The following ADAM10 variants were observed in gnomAD, a reference collection of about 807,000 sequenced individuals.
ADAM10 encodes disintegrin and metalloproteinase domain-containing protein 10.
ADAM10 carries 17 observed loss-of-function variants against 90.1 expected under a neutral mutation model. The ratio of observed to expected loss-of-function variants is 0.19; its 90% CI spans 0.13 to 0.28. The LOEUF is 0.28. ADAM10 is among the 10% of genes least tolerant of loss of function. ADAM10 has a pLI of 1.00. For missense variants in ADAM10, 610 were observed against 914.3 expected, an observed-to-expected ratio of 0.67 and a Z score of 4.29; for synonymous variants, 310 against 298.6, an observed-to-expected ratio of 1.04 and a Z score of -0.40.
chr15:58,726,014 A>T (rs1440776512), intron 1 of ADAM10, among the ~76,000 whole-genome samples: 1 of 152,210 alleles, frequency 6.6e-6, no homozygotes, highest in Admixed American at 6.5e-5. Flanking sequence ...TATATAAGAA[A>T]ATAAAAAGGA....
At chr15:58,611,381 G>A (rs1210861045) in intron 12 of ADAM10, 8 of 417,344 alleles carry the variant, frequency 1.9e-5, no homozygotes, top group South Asian at 8.7e-5. Flanking sequence ...GATGAGGATC[G>A]ATTTTATGTT....
intron 2 of ADAM10, among the ~76,000 whole-genome samples, chr15:58,707,711 A>G (rs1214886431): frequency 6.6e-6 from 1 of 152,152 alleles, no homozygotes. Context: ...GAAAAGAAAA[A>G]AGTTTTCTAT....
chr15:58,720,336 G>A (rs1005164739), intron 1 of ADAM10, among the ~76,000 whole-genome samples: 4 of 151,952 alleles, frequency 2.6e-5, no homozygotes, highest in African/African-American at 9.7e-5. Context: ...TGAAGCCAAT[G>A]TCTAAGAGAT....
At chr15:58,651,012 A>C (rs1199245887) in intron 5 of ADAM10, among the ~76,000 whole-genome samples, 3 of 152,004 alleles carry the variant, frequency 2.0e-5, no homozygotes, top group Non-Finnish European at 2.9e-5. Context: ...TATTCAAACC[A>C]TTTCTCCAGA....
chr15:58,607,143 T>A (rs908267148), intron 14 of ADAM10, among the ~76,000 whole-genome samples: 1 of 152,278 alleles, frequency 6.6e-6, no homozygotes, highest in South Asian at 2.1e-4. Flanking sequence ...ATTTGGCCCA[T>A]GGGCCATAGT....
intron 2 of ADAM10, chr15:58,691,317 T>A: frequency 8.1e-7 from 1 of 1,233,218 alleles, no homozygotes; most frequent in Non-Finnish European, 1.2e-6. Flanking sequence ...CCCATCAAAT[T>A]CCTTGAGCTG....
intron 2 of ADAM10, among the ~76,000 whole-genome samples, chr15:58,713,836 T>C (rs1898556608): frequency 6.6e-6 from 1 of 151,414 alleles, no homozygotes; most frequent in South Asian, 2.1e-4. Context: ...TTTTCTGAGA[T>C]GAAGTCTTGC....
chr15:58,677,890 A>G (rs1403654846), intron 4 of ADAM10, among the ~76,000 whole-genome samples: 1 of 152,142 alleles, frequency 6.6e-6, no homozygotes, highest in Non-Finnish European at 1.5e-5. Context: ...GAACTTACAT[A>G]CCCTGATAGG....
Position 58,592,395 on chromosome 15 carries a change from T to C in ADAM10, c.*5152A>G, listed in dbSNP as rs1329664137. The C allele has an allele frequency of 6.6e-6, 1 of 152,260 alleles. No individual in the cohort carries two copies. The highest frequency in any genetic ancestry group is 1.5e-5 in the Non-Finnish European group (1 of 68,050). The allele number at this position is 152,260 out of a possible 1,614,324, so 9.4% of individuals were successfully genotyped here. ...ACTCACAGAGTTAAATACAATACTA[T>C]GAGTTTCAATCTCTTGCAGATATTA... is the stretch of plus-strand genomic sequence containing the variant. On this transcript the variant is annotated 3_prime_UTR_variant, in exon 16 of 16. Transcript: ENST00000260408.
chr15:58,676,261 A>T (rs1229110455), intron 4 of ADAM10: 1 of 455,778 alleles, frequency 2.2e-6, no homozygotes, highest in Non-Finnish European at 4.4e-6. Context: ...ATCAAGTGAC[A>T]TAAGTTTTCT....
intron 1 of ADAM10, among the ~76,000 whole-genome samples, chr15:58,730,695 T>A (rs1247884157): frequency 1.3e-5 from 2 of 152,322 alleles, no homozygotes; most frequent in Non-Finnish European, 2.9e-5. Context: ...AAAGCATTAT[T>A]TCTGGATGTG....
In ADAM10 at chr15:58,715,955, C is replaced by T. The variant is rs555842330; in HGVS notation, c.206+1622G>A. ...ATAATACTAAGTATATTTTGAGATG[C>T]TCATTAAAAACAGTAAGACTAATGA... On this transcript the variant is annotated intron_variant, in intron 2 of 15. Transcript: ENST00000260408. Among the ~76,000 whole-genome samples the T allele has an allele frequency of 1.4e-3, 219 of 152,106 alleles. 6 individuals carry two copies. The South Asian group carries it at 0.044, about 31-fold the overall frequency.
At chr15:58,622,767 G>C (rs1242390213) in intron 10 of ADAM10, among the ~76,000 whole-genome samples, 1 of 152,128 alleles carries the variant, frequency 6.6e-6, no homozygotes, top group African/African-American at 2.4e-5. Context: ...TTTGTCAATG[G>C]AATTTAAAAT....
intron 5 of ADAM10, among the ~76,000 whole-genome samples, chr15:58,655,092 ATTGAAGTCTC>A (rs1275817015): frequency 6.6e-6 from 1 of 152,046 alleles, no homozygotes; most frequent in Non-Finnish European, 1.5e-5. Flanking sequence ...AAAGTGGGGT[ATTGAAGTCTC>A]CAGCTATTAC....
intron 2 of ADAM10, among the ~76,000 whole-genome samples, chr15:58,713,915 C>T (rs563255843): frequency 4.0e-5 from 6 of 151,500 alleles, no homozygotes; most frequent in African/African-American, 1.2e-4. Flanking sequence ...CTGGTTCAAG[C>T]GATTGTCATG....
chr15:58,672,818 G>A (rs1897227251), intron 4 of ADAM10: 1 of 125,414 alleles, frequency 8.0e-6, no homozygotes. Flanking sequence ...AAAGGGAGAT[G>A]TCAATGCTGA....
Position 58,610,188 on chromosome 15 carries a change from T to C in ADAM10, c.2025+109A>G, listed in dbSNP as rs1217340319. 3 of 865,426 alleles carry C rather than the reference T, an allele frequency of 3.5e-6. No homozygotes were observed. In the African/African-American group the frequency reaches 5.0e-5, roughly 14 times the overall value. 53.6% of individuals were successfully genotyped at this position (865,426 alleles called of 1,614,324 possible). A position where few individuals can be genotyped will look rare whatever the true frequency, so the allele number is the denominator to read the frequency against. On this transcript the variant is annotated intron_variant, in intron 14 of 15. Transcript: ENST00000260408. ...TTTAAAAATCTTCATATAAAGTAAT[T>C]CTAATATAAATAGTTAAGTTGTTTT...
Position 58,595,619 on chromosome 15 carries a change from A to G in ADAM10, c.*1928T>C, listed in dbSNP as rs1894929194. ...ATTCGCAGTGGAAAGAGTTCAGTGC[A>G]TGTATCTCTTTTCAGAAAACATTTA... On this transcript the variant is annotated 3_prime_UTR_variant, in exon 16 of 16. Coordinates refer to ENST00000260408, the MANE Select transcript of ADAM10 (RefSeq NM_001110.4). 1 of 152,164 alleles carries G rather than the reference A, an allele frequency of 6.6e-6. No individual in the cohort carries two copies. Among genetic ancestry groups the G allele is most frequent in the Non-Finnish European group, 1.5e-5 (1 of 67,980 alleles). 9.4% of individuals were successfully genotyped at this position (152,164 alleles called of 1,614,324 possible). A position where few individuals can be genotyped will look rare whatever the true frequency, so the allele number is the denominator to read the frequency against.
intron 11 of ADAM10, among the ~76,000 whole-genome samples, chr15:58,613,881 T>C (rs925300770): frequency 8.5e-5 from 13 of 152,318 alleles, no homozygotes; most frequent in African/African-American, 3.1e-4. Flanking sequence ...TTTGGGAGGC[T>C]GAGGTGGGAG....
Sources: allele counts gnomAD v4.1 joint callset (sites outside exome capture counted in the v4.1 genomes callset), GRCh38; gene constraint gnomAD v4.1.1; transcripts MANE v1.5; gene names NCBI Gene and HGNC (gene_info 2026-07-23, HGNC 2026-07-21).